AGBL4: variants seen among roughly 807,000 people sequenced by gnomAD.
AGBL4 encodes the protein cytosolic carboxypeptidase 6.
AGBL4 carries 58 observed loss-of-function variants against 66.4 expected under a neutral mutation model. The ratio of observed to expected loss-of-function variants is 0.87; its 90% CI spans 0.71 to 1.09. The LOEUF is 1.09. Ranked by LOEUF, AGBL4 falls within the 50% of genes least tolerant of loss-of-function variation. AGBL4 has a pLI of 0.00. For synonymous variants in AGBL4, 234 were observed against 222.9 expected, an observed-to-expected ratio of 1.05 and a Z score of -0.44; for missense variants, 579 against 631.0, an observed-to-expected ratio of 0.92 and a Z score of 0.88.
Position 49,068,096 on chromosome 1 carries a change from G to A in AGBL4, c.378-22296C>T, listed in dbSNP as rs183889655. Among the ~76,000 whole-genome samples the A allele has an allele frequency of 3.4e-3, 513 of 152,262 alleles. 1 individual carries two copies. Among genetic ancestry groups the A allele is most frequent in the African/African-American group, 0.011 (457 of 41,562 alleles). On this transcript the variant is annotated intron_variant, in intron 4 of 13. Coordinates refer to ENST00000371839, the MANE Select transcript of AGBL4 (RefSeq NM_032785.4). ...AATTAAATGGTGATTAGAACCTTGCGTTTGTAGGCAGGGCGCTCAGGAAGG... is the reference window on the plus strand; with the variant it reads ...AATTAAATGGTGATTAGAACCTTGCATTTGTAGGCAGGGCGCTCAGGAAGG...
At chr1:48,930,011 A>G (rs544450665) in intron 5 of AGBL4, among the ~76,000 whole-genome samples, 2 of 152,234 alleles carry the variant, frequency 1.3e-5, no homozygotes, top group African/African-American at 4.8e-5. Context: ...ATATTGATCT[A>G]TAACTGGAGG....
At position 48,618,245 on chromosome 1, in the gene AGBL4, G is replaced by A. The variant is rs563041994; in HGVS notation, c.951+16248C>T. On this transcript the variant is annotated intron_variant, in intron 9 of 13. Coordinates refer to ENST00000371839, the MANE Select transcript of AGBL4 (RefSeq NM_032785.4). ...AAAACAATAATCCCTGTCTCACAACGTTGCAATAAAGGGTCAAGTGAATGC... is the reference window on the plus strand; with the variant it reads ...AAAACAATAATCCCTGTCTCACAACATTGCAATAAAGGGTCAAGTGAATGC... 1.1e-4 allele frequency among the ~76,000 whole-genome samples: 17 copies of A among 152,286 alleles called. No individual in the cohort carries two copies. The South Asian group carries it at 3.1e-3, about 28-fold the overall frequency.
intron 4 of AGBL4, among the ~76,000 whole-genome samples, chr1:49,197,198 A>G (rs1392803593): frequency 6.6e-6 from 1 of 152,110 alleles, no homozygotes; most frequent in Non-Finnish European, 1.5e-5. Context: ...AACTCTGTAT[A>G]ATTTCCTTGT....
chr1:49,838,252 CAAGA>C (rs1645903338), intron 2 of AGBL4, among the ~76,000 whole-genome samples: 1 of 152,142 alleles, frequency 6.6e-6, no homozygotes, highest in Non-Finnish European at 1.5e-5. Flanking sequence ...GATGATATCA[CAAGA>C]AAGGAGTTGT....
chr1:49,162,504 C>G (rs1228182884), intron 4 of AGBL4, among the ~76,000 whole-genome samples: 2 of 152,088 alleles, frequency 1.3e-5, no homozygotes, highest in African/African-American at 4.8e-5. Flanking sequence ...TTTACTTGTT[C>G]TTGCCTATGA....
rs576457528 is a variant in AGBL4, at chr1:48,960,659, A to G, written c.594+84925T>C. 1.8e-4 allele frequency among the ~76,000 whole-genome samples: 27 copies of G among 152,324 alleles called. 1 individual carries two copies. In the South Asian group the frequency reaches 5.4e-3, roughly 30 times the overall value. On this transcript the variant is annotated intron_variant, in intron 5 of 13. Transcript: ENST00000371839. ...CCAAAAAAGAGTGCAATTTGAAAGT[A>G]TGAATGGTCAGTTGTGTTAAAAGCT...
chr1:49,038,716 T>C (rs1340161272), intron 5 of AGBL4, among the ~76,000 whole-genome samples: 1 of 152,100 alleles, frequency 6.6e-6, no homozygotes, highest in Non-Finnish European at 1.5e-5. Flanking sequence ...CTGGCAAGGA[T>C]GTGGAGCACA....
intron 4 of AGBL4, among the ~76,000 whole-genome samples, chr1:49,169,956 G>T (rs1383576529): frequency 3.3e-5 from 5 of 151,894 alleles, no homozygotes; most frequent in African/African-American, 1.2e-4. Flanking sequence ...ATACTGAGTG[G>T]TATAATGGAT....
intron 6 of AGBL4, among the ~76,000 whole-genome samples, chr1:48,717,561 G>A (rs1376440023): frequency 1.3e-5 from 2 of 152,180 alleles, no homozygotes; most frequent in African/African-American, 4.8e-5. Flanking sequence ...TAATTTTCCT[G>A]TTGGTGGGCA....
At chr1:49,218,728 TG>T (rs2148271768) in intron 4 of AGBL4, among the ~76,000 whole-genome samples, 1 of 152,266 alleles carries the variant, frequency 6.6e-6, no homozygotes, top group African/African-American at 2.4e-5. Flanking sequence ...GGTTTGGCTA[TG>T]TCCCCACCCA....
At chr1:49,748,039 C>CATGTGCGGA (rs1482229687) in intron 2 of AGBL4, among the ~76,000 whole-genome samples, 1 of 151,408 alleles carries the variant, frequency 6.6e-6, no homozygotes, top group Non-Finnish European at 1.5e-5. Flanking sequence ...TTTTGGGATA[C>CATGTGCGGA]ATGTGCGGAA....
At chr1:49,151,182 TG>T (rs2148119430) in intron 4 of AGBL4, among the ~76,000 whole-genome samples, 1 of 148,508 alleles carries the variant, frequency 6.7e-6, no homozygotes, top group East Asian at 2.0e-4. Context: ...GGCAGGAGAA[TG>T]GCATGAACCT....
At chr1:48,935,074 T>A (rs952305799) in intron 5 of AGBL4, among the ~76,000 whole-genome samples, 1 of 152,214 alleles carries the variant, frequency 6.6e-6, no homozygotes, top group Non-Finnish European at 1.5e-5. Flanking sequence ...ATTTTGGTTA[T>A]AGCCTGCTGA....
At chr1:49,630,204 A>G (rs746150258) in intron 3 of AGBL4, among the ~76,000 whole-genome samples, 24 of 152,104 alleles carry the variant, frequency 1.6e-4, no homozygotes, top group Non-Finnish European at 3.1e-4. Flanking sequence ...ATCAATAATT[A>G]AACTCTCAGT....
At position 49,394,009 on chromosome 1, in the gene AGBL4, A is replaced by C. The variant is rs570078254; in HGVS notation, c.283-148145T>G. Among the ~76,000 whole-genome samples, 11 of 152,252 alleles carry C rather than the reference A, an allele frequency of 7.2e-5. 1 individual carries two copies. Among genetic ancestry groups the C allele is most frequent in the African/African-American group, 2.6e-4 (11 of 41,558 alleles). ...CAGACAATGGAAATAGAAGCATTTTAAGACAAAGAGGAATGAAATCAAATT... is the reference window on the plus strand; with the variant it reads ...CAGACAATGGAAATAGAAGCATTTTCAGACAAAGAGGAATGAAATCAAATT... On this transcript the variant is annotated intron_variant, in intron 3 of 13. Coordinates refer to ENST00000371839, the MANE Select transcript of AGBL4 (RefSeq NM_032785.4).
chr1:49,580,352 T>C (rs773742733), intron 3 of AGBL4, among the ~76,000 whole-genome samples: 9 of 152,204 alleles, frequency 5.9e-5, no homozygotes, highest in African/African-American at 1.2e-4. Context: ...GCTACTGTAA[T>C]GTTGTTAATA....
At chr1:48,624,018 T>C (rs1357904173) in intron 9 of AGBL4, among the ~76,000 whole-genome samples, 1 of 152,200 alleles carries the variant, frequency 6.6e-6, no homozygotes, top group African/African-American at 2.4e-5. Context: ...AAGTTTGGTC[T>C]AATTTTGAAA....
chr1:50,000,136 A>C (rs888284323), intron 1 of AGBL4, among the ~76,000 whole-genome samples: 2 of 152,206 alleles, frequency 1.3e-5, no homozygotes, highest in African/African-American at 4.8e-5. Context: ...TAAACAGACA[A>C]CCCACAAAGT....
intron 3 of AGBL4, among the ~76,000 whole-genome samples, chr1:49,297,732 A>C (rs1311828483): frequency 1.3e-5 from 2 of 152,106 alleles, no homozygotes; most frequent in East Asian, 3.9e-4. Context: ...ACTTTTTTTG[A>C]GTGGTCTAGA....
Sources: allele counts gnomAD v4.1 joint callset (sites outside exome capture counted in the v4.1 genomes callset), GRCh38; gene constraint gnomAD v4.1.1; transcripts MANE v1.5; gene names NCBI Gene and HGNC (gene_info 2026-07-23, HGNC 2026-07-21).